Variants in PDGFD observed in about 807,000 individuals in gnomAD.
PDGFD encodes the protein platelet derived growth factor D, also known as platelet-derived growth factor D.
In PDGFD, 30 loss-of-function variants were observed where a neutral mutation model predicts 44.7. The observed-to-expected ratio is 0.67, with a 90% CI of 0.50 to 0.91. The LOEUF (loss-of-function observed/expected upper bound fraction) is 0.91, where lower values mean the gene tolerates loss of function less well. Among genes scored for constraint, PDGFD ranks in the 40% least tolerant of loss-of-function variants. The pLI is 0.00. For missense variants in PDGFD, 445 were observed against 457.8 expected, an observed-to-expected ratio of 0.97 and a Z score of 0.25; for synonymous variants, 173 against 168.4, an observed-to-expected ratio of 1.03 and a Z score of -0.21.
chr11:104,100,036 AT>A (rs939208874), intron 1 of PDGFD, among the ~76,000 whole-genome samples: 3 of 151,952 alleles, frequency 2.0e-5, no homozygotes, highest in Non-Finnish European at 2.9e-5. Context: ...ATGAAGAGCA[AT>A]TTTTTTTAAT....
At chr11:103,929,416 C>A (rs1858367414) in intron 5 of PDGFD, among the ~76,000 whole-genome samples, 1 of 152,154 alleles carries the variant, frequency 6.6e-6, no homozygotes, top group South Asian at 2.1e-4. Context: ...GTACAGCATG[C>A]CTTCCCTATA....
intron 3 of PDGFD, among the ~76,000 whole-genome samples, chr11:103,956,464 A>T (rs540647883): frequency 4.3e-5 from 2 of 46,898 alleles, no homozygotes; most frequent in African/African-American, 2.4e-4. Flanking sequence ...TCTATCACAT[A>T]AGGACATTTG....
At chr11:104,117,031 T>A (rs936903006) in intron 1 of PDGFD, among the ~76,000 whole-genome samples, 3 of 151,818 alleles carry the variant, frequency 2.0e-5, no homozygotes, top group Non-Finnish European at 4.4e-5. Context: ...TAATAATCCA[T>A]GAGGATCAAG....
intron 1 of PDGFD, among the ~76,000 whole-genome samples, chr11:104,074,917 T>A (rs1860933373): frequency 6.6e-6 from 1 of 152,206 alleles, no homozygotes; most frequent in African/African-American, 2.4e-5. Flanking sequence ...GACAGGTTTA[T>A]AAATTATTTA....
chr11:104,140,694 C>A (rs567833282), intron 1 of PDGFD, among the ~76,000 whole-genome samples: 6 of 152,148 alleles, frequency 3.9e-5, no homozygotes, highest in East Asian at 1.9e-4. Context: ...TATATCCCCC[C>A]CTGAACATTA....
At chr11:104,044,229 G>T (rs1384882500) in intron 1 of PDGFD, among the ~76,000 whole-genome samples, 1 of 152,154 alleles carries the variant, frequency 6.6e-6, no homozygotes. Context: ...TCCAGTAAGT[G>T]CTAAGATTTT....
intron 6 of PDGFD, among the ~76,000 whole-genome samples, chr11:103,924,120 G>A (rs1333776395): frequency 1.3e-5 from 2 of 152,090 alleles, no homozygotes; most frequent in Non-Finnish European, 2.9e-5. Flanking sequence ...GGGTCTTTGG[G>A]GGTCTATGGT....
At chr11:104,016,545 G>A (rs1859860385) in intron 1 of PDGFD, among the ~76,000 whole-genome samples, 1 of 152,202 alleles carries the variant, frequency 6.6e-6, no homozygotes, top group Non-Finnish European at 1.5e-5. Flanking sequence ...CCCGAGCTGA[G>A]GCCCATGTCC....
At chr11:104,022,446 T>C (rs1052830058) in intron 1 of PDGFD, among the ~76,000 whole-genome samples, 1 of 152,126 alleles carries the variant, frequency 6.6e-6, no homozygotes, top group Non-Finnish European at 1.5e-5. Flanking sequence ...TTTGTAATTA[T>C]TGTTTGGAAG....
At chr11:103,959,139 A>G (rs537630659) in intron 3 of PDGFD, among the ~76,000 whole-genome samples, 23 of 152,280 alleles carry the variant, frequency 1.5e-4, no homozygotes, top group African/African-American at 5.5e-4. Flanking sequence ...TTCTTTTTAA[A>G]AATATGGGTA....
chr11:104,072,763 G>A (rs1390137648), intron 1 of PDGFD, among the ~76,000 whole-genome samples: 3 of 151,856 alleles, frequency 2.0e-5, no homozygotes, highest in South Asian at 2.1e-4. Flanking sequence ...TTTGAGTTTC[G>A]TTTTCCTGAA....
At chr11:104,118,321 G>C (rs1042412621) in intron 1 of PDGFD, among the ~76,000 whole-genome samples, 3 of 151,734 alleles carry the variant, frequency 2.0e-5, no homozygotes, top group Non-Finnish European at 4.4e-5. Context: ...CTCTACTCTA[G>C]GCTATGTGAG....
intron 3 of PDGFD, among the ~76,000 whole-genome samples, chr11:103,978,082 T>C (rs1859210253): frequency 6.6e-6 from 1 of 152,118 alleles, no homozygotes; most frequent in Admixed American, 6.6e-5. Context: ...AAGAGTATCA[T>C]TTCCATTGCT....
At chr11:104,136,327 A>C (rs754503769) in intron 1 of PDGFD, among the ~76,000 whole-genome samples, 1 of 152,204 alleles carries the variant, frequency 6.6e-6, no homozygotes, top group Non-Finnish European at 1.5e-5. Context: ...CTTCCAGTTA[A>C]ACATGACAGA....
intron 3 of PDGFD, among the ~76,000 whole-genome samples, chr11:103,960,503 A>G (rs1858919000): frequency 6.6e-6 from 1 of 152,208 alleles, no homozygotes; most frequent in Non-Finnish European, 1.5e-5. Flanking sequence ...AGATTTTTGA[A>G]TGACCAAAGT....
Position 103,926,996 on chromosome 11 carries a change from G to A in PDGFD, c.903C>T (p.Arg301=). 6.2e-7 allele frequency: 1 copy of A among 1,614,174 alleles called. No homozygotes were observed. Among genetic ancestry groups the A allele is most frequent in the African/African-American group, 1.3e-5 (1 of 75,054 alleles). Residue 301 remains arginine (R), a synonymous_variant, in exon 6 of 7, where the codon CGC becomes CGT. Coordinates refer to ENST00000393158, the MANE Select transcript of PDGFD (RefSeq NM_025208.5). Reference sequence around the variant, plus strand: ...TTCCACAGCCACAATTTCCTCCACAGCGCTGCACGAGGAGGCAACGTGGAA... The same window carrying A: ...TTCCACAGCCACAATTTCCTCCACAACGCTGCACGAGGAGGCAACGTGGAA... ...VFFPRCLLVQ[R]CGGNCGCGTV...
At chr11:103,914,534 G>A (rs1211836482) in intron 6 of PDGFD, among the ~76,000 whole-genome samples, 2 of 150,840 alleles carry the variant, frequency 1.3e-5, no homozygotes, top group Non-Finnish European at 2.9e-5. Context: ...AGAGAAGCTG[G>A]TACTATTCCT....
intron 5 of PDGFD, among the ~76,000 whole-genome samples, chr11:103,931,611 G>C (rs1858400601): frequency 6.6e-6 from 1 of 152,038 alleles, no homozygotes; most frequent in Non-Finnish European, 1.5e-5. Flanking sequence ...TTTTGAGACA[G>C]AGTCTTGCTC....
intron 3 of PDGFD, among the ~76,000 whole-genome samples, chr11:103,991,944 G>A (rs1326370602): frequency 1.3e-5 from 2 of 152,074 alleles, no homozygotes; most frequent in African/African-American, 2.4e-5. Context: ...TCTACCGGGG[G>A]GAGCCTTGTA....
Sources: gnomAD v4.1 joint callset for allele counts (sites outside exome capture counted in the v4.1 genomes callset) on GRCh38, gnomAD v4.1.1 for gene constraint, MANE v1.5 for transcripts, NCBI Gene and HGNC (gene_info 2026-07-23, HGNC 2026-07-21) for gene names.